GBF1: variants seen among roughly 807,000 people sequenced by gnomAD.
The protein encoded by GBF1 is golgi brefeldin A resistant guanine nucleotide exchange factor 1, also known as Golgi-specific brefeldin A-resistance guanine nucleotide exchange factor 1.
GBF1 carries 114 observed loss-of-function variants against 210.5 expected under a neutral mutation model. The ratio of observed to expected loss-of-function variants is 0.54; its 90% CI spans 0.47 to 0.63. The LOEUF (loss-of-function observed/expected upper bound fraction) is 0.63, where lower values mean the gene tolerates loss of function less well. GBF1 is among the 30% of genes least tolerant of loss of function. The probability of loss-of-function intolerance (pLI) is 0.00; values close to 1 mark genes in which losing one functional copy is unlikely to be tolerated. For synonymous variants in GBF1, 850 were observed against 889.2 expected, an observed-to-expected ratio of 0.96 and a Z score of 0.78; for missense variants, 1,851 against 2,357.7, an observed-to-expected ratio of 0.79 and a Z score of 4.45.
intron 3 of GBF1, among the ~76,000 whole-genome samples, chr10:102,302,687 C>T (rs796106573): frequency 1.1e-4 from 16 of 152,298 alleles, no homozygotes; most frequent in African/African-American, 3.6e-4. Context: ...TAAGGATCAT[C>T]ACTAAGACTA....
At chr10:102,369,154 G>T (rs2060070538) in intron 23 of GBF1, 57 bp from the exon 24 acceptor site, 1 of 1,299,144 alleles carries the variant, frequency 7.7e-7, no homozygotes, top group Non-Finnish European at 1.1e-6. Flanking sequence ...AGACCTAAGA[G>T]ATTTTCCTTT....
At chr10:102,370,080 C>T (rs761751075) in intron 26 of GBF1, 94 bp from the exon 27 acceptor site, 17 of 1,542,188 alleles carry the variant, frequency 1.1e-5, no homozygotes, top group Non-Finnish European at 1.5e-5. Context: ...GATTTGTAAC[C>T]AGGGCTGACT....
chr10:102,304,989 AAAAGAAAGAAAG>A lies in GBF1; in HGVS notation c.164-39042_164-39031del, dbSNP rs141632616. Among the ~76,000 whole-genome samples, 161 of 148,810 alleles carry A rather than the reference AAAAGAAAGAAAG, an allele frequency of 1.1e-3. 1 individual carries two copies. Among genetic ancestry groups the A allele is most frequent in the African/African-American group, 3.3e-3 (134 of 40,208 alleles). Reference sequence around the variant, plus strand: ...TAGCAAGACGCACATCTCTTAAAAAAAAAGAAAGAAAGAAAGAAAGAAAGAAAGAAAAAGAAT... The same window carrying A: ...TAGCAAGACGCACATCTCTTAAAAAAAAAGAAAGAAAGAAAGAAAAAGAAT... On this transcript the variant is annotated intron_variant, in intron 3 of 39. Coordinates refer to ENST00000369983, the MANE Select transcript of GBF1 (RefSeq NM_001377137.1).
At chr10:102,371,399 A>T (rs1302043710) in intron 29 of GBF1, among the ~76,000 whole-genome samples, 1 of 152,242 alleles carries the variant, frequency 6.6e-6, no homozygotes, top group Non-Finnish European at 1.5e-5. Flanking sequence ...GATGAAAACT[A>T]CAAAACTACA....
chr10:102,351,331 C>T lies in GBF1; in HGVS notation c.371C>T (p.Thr124Met), dbSNP rs1173733339. The T allele has an allele frequency of 3.1e-6, 5 of 1,609,052 alleles. No homozygotes were observed. Among genetic ancestry groups the T allele is most frequent in the African/African-American group, 1.3e-5 (1 of 74,816 alleles). ...DAVTHARFVG[T>M]DPASDEVVLM... ...GTCACCCATGCTCGTTTTGTGGGCA[C>T]GGATCCTGCCAGTGATGAAGTTGTC... is the stretch of plus-strand genomic sequence containing the variant. The change falls in exon 5 of 40, where the codon ACG (threonine) becomes ATG (methionine). Residue 124 changes from threonine to methionine, a missense_variant. Thr to Met is a moderately conservative substitution (Grantham distance 81). Transcript: ENST00000369983.
intron 3 of GBF1, among the ~76,000 whole-genome samples, chr10:102,322,851 A>G (rs1298874127): frequency 6.6e-6 from 1 of 152,022 alleles, no homozygotes; most frequent in Non-Finnish European, 1.5e-5. Flanking sequence ...CAGGAAGCAG[A>G]GGTTGCAGTG....
intron 36 of GBF1, 132 bp downstream of exon 36, chr10:102,380,086 A>C: frequency 1.4e-6 from 1 of 735,954 alleles, no homozygotes; most frequent in Non-Finnish European, 2.4e-6. Flanking sequence ...GACACTAAGC[A>C]GGACCTAGGG....
rs1178780147 is a variant in GBF1 at position 102,347,504 on chromosome 10, A to G, written c.295+3322A>G. Among the ~76,000 whole-genome samples, 3 of 152,016 alleles carry G rather than the reference A, an allele frequency of 2.0e-5. No individual in the cohort carries two copies. In the East Asian group the frequency reaches 5.8e-4, roughly 29 times the overall value. Reference sequence around the variant, plus strand: ...TGGTGTTACTCTTTCCTCTTCCTGGACTTGGCAGACAGGCTGGTCATTGGA... The same window carrying G: ...TGGTGTTACTCTTTCCTCTTCCTGGGCTTGGCAGACAGGCTGGTCATTGGA... On this transcript the variant is annotated intron_variant, in intron 4 of 39. Coordinates refer to ENST00000369983, the MANE Select transcript of GBF1 (RefSeq NM_001377137.1).
intron 8 of GBF1, among the ~76,000 whole-genome samples, chr10:102,357,636 C>T (rs2059369714): frequency 6.6e-6 from 1 of 152,110 alleles, no homozygotes; most frequent in African/African-American, 2.4e-5. Context: ...AGCCGAGAGA[C>T]CATGCACCTG....
the GBF1 span, chr10:102,230,857 G>A: frequency 6.3e-7 from 1 of 1,598,608 alleles, no homozygotes; most frequent in Non-Finnish European, 8.5e-7. Context: ...GCTGGGTGGC[G>A]AGAAGACGGG....
intron 3 of GBF1, among the ~76,000 whole-genome samples, chr10:102,269,649 A>T (rs1241008527): frequency 2.0e-5 from 3 of 152,276 alleles, no homozygotes; most frequent in Non-Finnish European, 4.4e-5. Context: ...GAGTTATTGT[A>T]AGAAAAAAAA....
At chr10:102,256,665 G>A (rs965543337) in intron 1 of GBF1, among the ~76,000 whole-genome samples, 1 of 151,568 alleles carries the variant, frequency 6.6e-6, no homozygotes, top group Non-Finnish European at 1.5e-5. Context: ...GATTACAGGC[G>A]CCCTCCACCA....
In GBF1 at chr10:102,365,534, C is replaced by CA; in HGVS notation, c.2246dup (p.Lys750GlufsTer9). 1 of 1,614,116 alleles carries CA rather than the reference C, an allele frequency of 6.2e-7. No homozygotes were observed. The highest frequency in any genetic ancestry group is 8.5e-7 in the Non-Finnish European group (1 of 1,180,022). On this transcript the variant is annotated frameshift_variant, in exon 18 of 40. Coordinates refer to ENST00000369983, the MANE Select transcript of GBF1 (RefSeq NM_001377137.1). LOFTEE classifies it high-confidence loss of function. ...GGCTCCGAGAGAACCCTCGGCTGGA[C>CA]AAGAAGATGATTGGAGAGTTTGTGA... is the stretch of plus-strand genomic sequence containing the variant.
intron 3 of GBF1, among the ~76,000 whole-genome samples, chr10:102,328,163 G>A (rs765431825): frequency 6.6e-5 from 10 of 152,128 alleles, no homozygotes; most frequent in Non-Finnish European, 1.2e-4. Flanking sequence ...AAGTTCTTGA[G>A]CCTTTTAGCA....
intron 3 of GBF1, among the ~76,000 whole-genome samples, chr10:102,279,144 A>C (rs1283487508): frequency 2.0e-5 from 3 of 152,234 alleles, no homozygotes; most frequent in Non-Finnish European, 2.9e-5. Flanking sequence ...CCTATAAGAA[A>C]CACAATTGCA....
chr10:102,254,785 G>A (rs761981753), intron 1 of GBF1, among the ~76,000 whole-genome samples: 2 of 151,984 alleles, frequency 1.3e-5, no homozygotes, highest in Non-Finnish European at 2.9e-5. Context: ...TATTTCTCTT[G>A]TTATTTCTGA....
chr10:102,316,227 C>A (rs1478607468), intron 3 of GBF1, among the ~76,000 whole-genome samples: 1 of 151,930 alleles, frequency 6.6e-6, no homozygotes, highest in Non-Finnish European at 1.5e-5. Flanking sequence ...GCTGGGATTA[C>A]AAGCGTGTGC....
chr10:102,340,872 A>T (rs1246972959), intron 3 of GBF1, among the ~76,000 whole-genome samples: 3 of 152,332 alleles, frequency 2.0e-5, no homozygotes, highest in African/African-American at 7.2e-5. Context: ...TTAGGAGAAA[A>T]TGGGAGGGTG....
chr10:102,300,143 A>G (rs950178709), intron 3 of GBF1, among the ~76,000 whole-genome samples: 44 of 152,328 alleles, frequency 2.9e-4, no homozygotes, highest in African/African-American at 7.7e-4. Context: ...CTGGCTGCAT[A>G]TACAGTTCCC....
Sources: allele counts gnomAD v4.1 joint callset (sites outside exome capture counted in the v4.1 genomes callset), GRCh38; gene constraint gnomAD v4.1.1; transcripts MANE v1.5; gene names NCBI Gene and HGNC (gene_info 2026-07-23, HGNC 2026-07-21).